The following ARFGEF3 variants were observed in gnomAD, a reference collection of about 807,000 sequenced individuals.
The protein encoded by ARFGEF3 is brefeldin A-inhibited guanine nucleotide-exchange protein 3.
Under a neutral mutation model 221.7 loss-of-function variants are expected in ARFGEF3, and 96 were observed. The ratio of observed to expected loss-of-function variants is 0.43; its 90% CI spans 0.37 to 0.51. The LOEUF (loss-of-function observed/expected upper bound fraction) is 0.51, where lower values mean the gene tolerates loss of function less well. ARFGEF3 is among the 20% of genes least tolerant of loss of function. The probability of loss-of-function intolerance (pLI) is 0.00; values close to 1 mark genes in which losing one functional copy is unlikely to be tolerated. For synonymous variants in ARFGEF3, 1,145 were observed against 1,126.8 expected (o/e 1.02, Z -0.32); for missense variants, 2,410 against 2,789.9 (o/e 0.86, Z 3.07).
chr6:138,312,978 A>G (rs569341636), intron 25 of ARFGEF3, among the ~76,000 whole-genome samples: 1 of 152,274 alleles, frequency 6.6e-6, no homozygotes, highest in East Asian at 1.9e-4. Context: ...CCAAAGTGCT[A>G]GGATGACAGG....
At chr6:138,260,770 C>T (rs763073178) in intron 10 of ARFGEF3, among the ~76,000 whole-genome samples, 1 of 151,330 alleles carries the variant, frequency 6.6e-6, no homozygotes, top group Non-Finnish European at 1.5e-5. Flanking sequence ...TTCTCAAGAG[C>T]AATAAAAATT....
intron 11 of ARFGEF3, 79 bp from the exon 12 acceptor site, chr6:138,262,622 G>A (rs1562371617): frequency 4.3e-6 from 6 of 1,411,470 alleles, no homozygotes; most frequent in East Asian, 2.3e-5. Context: ...TGTTTGCCAG[G>A]CTAACACTCT....
intron 13 of ARFGEF3, among the ~76,000 whole-genome samples, chr6:138,279,104 C>T (rs1472606710): frequency 6.6e-6 from 1 of 152,130 alleles, no homozygotes; most frequent in Non-Finnish European, 1.5e-5. Context: ...CAACCTCAAA[C>T]TCCTGGGCTC....
chr6:138,162,168 C>G lies in ARFGEF3; in HGVS notation c.82C>G (p.Leu28Val), dbSNP rs746288620. ...CATCAAGGAGAGCTGCACCTGGGCC[C>G]TGGGTAAGCGTCCGGCACCTGCTCG... Reference protein sequence around the residue: ...KAIKESCTWALETLGGLDTIV... With the variant: ...KAIKESCTWAVETLGGLDTIV... Residue 28 changes from leucine to valine, a missense_variant, in exon 1 of 34, where the codon CTG becomes GTG. By Grantham distance (32) the Leu-to-Val change is conservative (BLOSUM62 1). This residue lies in a region of ARFGEF3 where 570 missense variants were observed against 586.9 expected (regional missense o/e 0.97). Transcript: ENST00000251691. The surrounding 1 kb of genome is among the most constrained non-coding windows in gnomAD (Gnocchi z 4.7). 2 of 1,597,672 alleles carry G rather than the reference C, an allele frequency of 1.3e-6. No individual in the cohort carries two copies. The highest frequency in any genetic ancestry group is 3.4e-5 in the Admixed American group (2 of 59,166).
At chr6:138,312,395 G>A (rs1779845439) in intron 25 of ARFGEF3, among the ~76,000 whole-genome samples, 2 of 152,082 alleles carry the variant, frequency 1.3e-5, no homozygotes, top group African/African-American at 2.4e-5. Flanking sequence ...TTGAGCCCAT[G>A]GCTTTAAAAG....
chr6:138,317,171 T>C lies in ARFGEF3; in HGVS notation c.4346-80T>C, dbSNP rs144189506. On this transcript the variant is annotated intron_variant, in intron 26 of 33. Transcript: ENST00000251691. ...TCTGTATAGCACTTGGCAGTTTACA[T>C]ACAATGTTTAATTGGATCTTGAGAT... The C allele has an allele frequency of 3.9e-4, 583 of 1,506,800 alleles. 2 individuals carry two copies. The African/African-American group carries it at 6.8e-3, about 18-fold the overall frequency. The allele number at this position is 1,506,800 out of a possible 1,614,324, so 93.3% of individuals were successfully genotyped here. A position where few individuals can be genotyped will look rare whatever the true frequency, so the allele number is the denominator to read the frequency against.
intron 2 of ARFGEF3, among the ~76,000 whole-genome samples, chr6:138,177,879 T>A (rs1005295759): frequency 6.6e-6 from 1 of 152,156 alleles, no homozygotes; most frequent in Non-Finnish European, 1.5e-5. Context: ...TCTGATTTCC[T>A]TATATTCGTT....
At chr6:138,244,551 T>C (rs1278477904) in intron 7 of ARFGEF3, among the ~76,000 whole-genome samples, 1 of 152,220 alleles carries the variant, frequency 6.6e-6, no homozygotes. Context: ...ATTTCAGCCT[T>C]TTTCCCACTC....
At chr6:138,239,748 A>G (rs968481376) in intron 6 of ARFGEF3, among the ~76,000 whole-genome samples, 1 of 152,010 alleles carries the variant, frequency 6.6e-6, no homozygotes, top group African/African-American at 2.4e-5. Context: ...TTTAACCTCA[A>G]CTATTTGTAA....
rs1163101082 is a variant in ARFGEF3 at position 138,162,984 on chromosome 6, C to T, written c.85+813C>T. ...GCCAGCGCAGCTAGCTCTATGGGCTCCTCTCTCTGCCTTGCTGGAGCCTGA... is the reference window on the plus strand; with the variant it reads ...GCCAGCGCAGCTAGCTCTATGGGCTTCTCTCTCTGCCTTGCTGGAGCCTGA... On this transcript the variant is annotated intron_variant, in intron 1 of 33. Transcript: ENST00000251691. The surrounding 1 kb of genome is among the most constrained non-coding windows in gnomAD (Gnocchi z 4.7). 6.6e-6 allele frequency among the ~76,000 whole-genome samples: 1 copy of T among 152,212 alleles called. No individual in the cohort carries two copies. Among genetic ancestry groups the T allele is most frequent in the Non-Finnish European group, 1.5e-5 (1 of 68,042 alleles).
chr6:138,248,106 A>G lies in ARFGEF3; in HGVS notation c.665+2515A>G, dbSNP rs376780186. ...TAAGTTTTTCTAGCAGACAGGATGA[A>G]CAGATGGGAGCTAGAGTTGTCATAG... On this transcript the variant is annotated intron_variant, in intron 8 of 33. Transcript: ENST00000251691. Among the ~76,000 whole-genome samples, 10 of 152,326 alleles carry G rather than the reference A, an allele frequency of 6.6e-5. No individual in the cohort carries two copies. In the East Asian group the frequency reaches 1.5e-3, roughly 23 times the overall value.
intron 17 of ARFGEF3, among the ~76,000 whole-genome samples, chr6:138,289,482 G>A (rs764124693): frequency 6.6e-6 from 1 of 152,222 alleles, no homozygotes; most frequent in Non-Finnish European, 1.5e-5. Context: ...AGGGTGAAAG[G>A]TCTGGGCCCA....
Position 138,263,265 on chromosome 6 carries a change from C to A in ARFGEF3, c.1782C>A (p.Ser594Arg). Residue 594 changes from serine to arginine, a missense_variant, in exon 12 of 34, where the codon AGC (serine) becomes AGA (arginine). By Grantham distance (110) the Ser-to-Arg change is moderately radical (BLOSUM62 -1). Coordinates refer to ENST00000251691, the MANE Select transcript of ARFGEF3 (RefSeq NM_020340.5). ...CCTATGGATCTAGGTATAGTGAGAG[C>A]AATTTTAGCGTTGATGACCAAGACC... ...TRSYGSRYSE[S>R]NFSVDDQDLS... 1 of 1,613,932 alleles carries A rather than the reference C, an allele frequency of 6.2e-7. No individual in the cohort carries two copies.
chr6:138,232,128 G>A lies in ARFGEF3; in HGVS notation c.420+2276G>A, dbSNP rs560669409. Among the ~76,000 whole-genome samples, 5 of 152,306 alleles carry A rather than the reference G, an allele frequency of 3.3e-5. No homozygotes were observed. In the East Asian group the frequency reaches 5.8e-4, roughly 18 times the overall value. Reference sequence around the variant, plus strand: ...TTCTGTTAATATTAACCCCAGGGTAGCAGATATGTTGAGTTTTCCAAGGAA... The same window carrying A: ...TTCTGTTAATATTAACCCCAGGGTAACAGATATGTTGAGTTTTCCAAGGAA... On this transcript the variant is annotated intron_variant, in intron 5 of 33. Transcript: ENST00000251691.
At position 138,286,933 on chromosome 6, in the gene ARFGEF3, T is replaced by C. The variant is rs753111062; in HGVS notation, c.2785+17T>C. 2 of 1,611,486 alleles carry C rather than the reference T, an allele frequency of 1.2e-6. No individual in the cohort carries two copies. Among genetic ancestry groups the C allele is most frequent in the Non-Finnish European group, 1.7e-6 (2 of 1,179,090 alleles). On this transcript the variant is annotated intron_variant, in intron 16 of 33. Coordinates refer to ENST00000251691, the MANE Select transcript of ARFGEF3 (RefSeq NM_020340.5). ...GCGCTCTAGGTACCAGCGGGAGTAG[T>C]GTTCCCTGGCCGTGGTCCTGCAGAA... is the stretch of plus-strand genomic sequence containing the variant.
chr6:138,323,852 T>C lies in ARFGEF3; in HGVS notation c.4869+79T>C. ...CTGATCCCTTACCATGTTGGGCACA[T>C]GGGTTCTGCCTCCTCTGAGCAGGCA... On this transcript the variant is annotated intron_variant, in intron 30 of 33. Coordinates refer to ENST00000251691, the MANE Select transcript of ARFGEF3 (RefSeq NM_020340.5). The C allele has an allele frequency of 5.2e-6, 8 of 1,550,300 alleles. No homozygotes were observed. The South Asian group carries it at 9.0e-5, about 17-fold the overall frequency.
At chr6:138,314,518 C>CAACT (rs1401733081) in intron 26 of ARFGEF3, among the ~76,000 whole-genome samples, 1 of 152,146 alleles carries the variant, frequency 6.6e-6, no homozygotes, top group East Asian at 1.9e-4. Flanking sequence ...GTTTCAGCAC[C>CAACT]AACTCAAGAG....
rs138956668 is a variant in ARFGEF3 at position 138,263,569 on chromosome 6, G to T, written c.2086G>T (p.Val696Leu). Reference protein sequence around the residue: ...RLLSLSNVEEVDTALQNFAST... With the variant: ...RLLSLSNVEELDTALQNFAST... ...CCTGTCTCTCTCCAATGTAGAGGAG[G>T]TGGACACCGCTCTGCAGAACTTTGC... The change falls in exon 12 of 34, where the codon GTG (valine) becomes TTG (leucine). Residue 696 changes from valine (V) to leucine (L), a missense_variant. Coordinates refer to ENST00000251691, the MANE Select transcript of ARFGEF3 (RefSeq NM_020340.5). 603 of 1,611,284 alleles carry T rather than the reference G, an allele frequency of 3.7e-4. 2 individuals are homozygous for T. The highest frequency in any genetic ancestry group is 4.9e-4 in the Middle Eastern group (3 of 6,084).
At chr6:138,282,835 G>C (rs1302563734) in intron 14 of ARFGEF3, among the ~76,000 whole-genome samples, 2 of 152,136 alleles carry the variant, frequency 1.3e-5, no homozygotes, top group African/African-American at 4.8e-5. Context: ...GATCACTTGA[G>C]GTCAGGAGTT....
Sources: gnomAD v4.1 joint callset for allele counts (sites outside exome capture counted in the v4.1 genomes callset) on GRCh38, gnomAD v4.1.1 for gene constraint, gnomAD v4.1.1 regional missense constraint, Gnocchi (gnomAD v3.1) non-coding constraint, MANE v1.5 for transcripts, NCBI Gene and HGNC (gene_info 2026-07-23, HGNC 2026-07-21) for gene names.